The following WWOX variants were observed in gnomAD, a reference collection of about 807,000 sequenced individuals.
The protein encoded by WWOX is WW domain containing oxidoreductase.
Under a neutral mutation model 46.2 loss-of-function variants are expected in WWOX, and 69 were observed. The observed-to-expected ratio is 1.49, with a 90% CI of 1.23 to 1.82. The LOEUF (loss-of-function observed/expected upper bound fraction) is 1.82. Among genes scored for constraint, WWOX ranks in the 40% most tolerant of loss-of-function variants. WWOX has a pLI of 0.00. For missense variants in WWOX, 919 were observed against 542.6 expected, an observed-to-expected ratio of 1.69 and a Z score of -6.89; for synonymous variants, 359 against 202.6, an observed-to-expected ratio of 1.77 and a Z score of -6.56.
intron 8 of WWOX, among the ~76,000 whole-genome samples, chr16:78,639,947 C>T (rs772363720): frequency 1.2e-4 from 18 of 152,094 alleles, no homozygotes; most frequent in Non-Finnish European, 2.2e-4. Flanking sequence ...GAGTGGGAGG[C>T]AGGTGTTCGC....
At chr16:78,784,110 T>C (rs2050397797) in intron 8 of WWOX, among the ~76,000 whole-genome samples, 1 of 152,214 alleles carries the variant, frequency 6.6e-6, no homozygotes, top group South Asian at 2.1e-4. Context: ...TTATGGTTTT[T>C]TAAATGCATT....
At chr16:78,710,252 A>G (rs1047494552) in intron 8 of WWOX, among the ~76,000 whole-genome samples, 1 of 151,398 alleles carries the variant, frequency 6.6e-6, no homozygotes, top group Non-Finnish European at 1.5e-5. Flanking sequence ...CCTGAATGGC[A>G]TTGAGAGTCA....
chr16:78,674,146 C>G (rs2047532007), intron 8 of WWOX, among the ~76,000 whole-genome samples: 1 of 152,082 alleles, frequency 6.6e-6, no homozygotes, highest in South Asian at 2.1e-4. Flanking sequence ...TCCAACAGCT[C>G]TCTTTCCTTT....
At chr16:78,144,260 T>C (rs2034087721) in intron 4 of WWOX, among the ~76,000 whole-genome samples, 1 of 151,022 alleles carries the variant, frequency 6.6e-6, no homozygotes, top group Non-Finnish European at 1.5e-5. Flanking sequence ...GAAGTTAAGA[T>C]TCATTTATTC....
At chr16:78,361,864 G>A (rs562394502) in intron 5 of WWOX, among the ~76,000 whole-genome samples, 2 of 151,834 alleles carry the variant, frequency 1.3e-5, no homozygotes, top group African/African-American at 4.8e-5. Flanking sequence ...CTCCCACCTC[G>A]GACTCCCAAA....
chr16:79,005,645 A>G (rs1170327442), intron 8 of WWOX, among the ~76,000 whole-genome samples: 5 of 151,950 alleles, frequency 3.3e-5, no homozygotes, highest in African/African-American at 4.8e-5. Flanking sequence ...TTCCTTGTCC[A>G]TGTCTCTCTA....
chr16:78,871,646 C>G (rs1389226485), intron 8 of WWOX, among the ~76,000 whole-genome samples: 1 of 152,242 alleles, frequency 6.6e-6, no homozygotes, highest in Non-Finnish European at 1.5e-5. Context: ...GTTGCTCAGG[C>G]TGGAGTGCAG....
rs531662759 is a variant in WWOX, at chr16:79,103,381, T to C, written c.1057-108227T>C. 2.6e-5 allele frequency among the ~76,000 whole-genome samples: 4 copies of C among 152,288 alleles called. No individual in the cohort carries two copies. In the East Asian group the frequency reaches 7.7e-4, roughly 29 times the overall value. On this transcript the variant is annotated intron_variant, in intron 8 of 8. Coordinates refer to ENST00000566780, the MANE Select transcript of WWOX (RefSeq NM_016373.4). ...GAAATCCTCAGTAAGGAAAAATGCTTAGAGTGTCACAAAGCAAACGCATTA... is the reference window on the plus strand; with the variant it reads ...GAAATCCTCAGTAAGGAAAAATGCTCAGAGTGTCACAAAGCAAACGCATTA...
chr16:78,891,677 G>A (rs1284945202), intron 8 of WWOX: 1 of 152,192 alleles, frequency 6.6e-6, no homozygotes, highest in Non-Finnish European at 1.5e-5. Context: ...TAGCAGCTAA[G>A]CTGTCTGTTT....
intron 5 of WWOX, among the ~76,000 whole-genome samples, chr16:78,374,062 T>C (rs545371115): frequency 4.8e-4 from 73 of 152,356 alleles, no homozygotes; most frequent in African/African-American, 1.7e-3. Flanking sequence ...GTGGGGATTA[T>C]AGGCGTGAGC....
chr16:78,784,279 A>C (rs1412725572), intron 8 of WWOX, among the ~76,000 whole-genome samples: 1 of 152,146 alleles, frequency 6.6e-6, no homozygotes, highest in South Asian at 2.1e-4. Flanking sequence ...GCTCAAGTTC[A>C]CAGGCAGAAA....
rs767594775 is a variant in WWOX at position 78,842,983 on chromosome 16, G to T, written c.1057-368625G>T. On this transcript the variant is annotated intron_variant, in intron 8 of 8. Coordinates refer to ENST00000566780, the MANE Select transcript of WWOX (RefSeq NM_016373.4). ...ACGCACCCACAGGCACGCTTCACAG[G>T]ACTGGCAGGTGGAGAGGATGTTTGT... Among the ~76,000 whole-genome samples, 183 of 150,258 alleles carry T rather than the reference G, an allele frequency of 1.2e-3. 19 individuals carry two copies. Among genetic ancestry groups the T allele is most frequent in the Non-Finnish European group, 2.1e-3 (144 of 67,116 alleles).
At chr16:78,293,604 A>C (rs1328163223) in intron 5 of WWOX, among the ~76,000 whole-genome samples, 1 of 152,066 alleles carries the variant, frequency 6.6e-6, no homozygotes, top group East Asian at 1.9e-4. Flanking sequence ...ATAAAGTGGA[A>C]TCTCCATTTC....
chr16:78,201,649 A>C (rs1040888507), intron 5 of WWOX, among the ~76,000 whole-genome samples: 4 of 151,932 alleles, frequency 2.6e-5, no homozygotes, highest in African/African-American at 9.7e-5. Flanking sequence ...CCAGACCCCC[A>C]GTCCCCTCAC....
intron 8 of WWOX, among the ~76,000 whole-genome samples, chr16:79,085,260 C>T (rs1401797043): frequency 6.6e-6 from 1 of 152,146 alleles, no homozygotes; most frequent in Non-Finnish European, 1.5e-5. Flanking sequence ...TTCCAAACCA[C>T]CTTCTGGAGG....
chr16:78,859,050 G>GTGTA (rs1555551642), intron 8 of WWOX, among the ~76,000 whole-genome samples: 3 of 40,844 alleles, frequency 7.3e-5, no homozygotes, highest in African/African-American at 2.2e-4. Flanking sequence ...ATATATATAT[G>GTGTA]TATATATATA....
chr16:78,424,755 G>C (rs2083035869), intron 6 of WWOX, 115 bp from the exon 7 acceptor site: 1 of 1,179,808 alleles, frequency 8.5e-7, no homozygotes, highest in East Asian at 2.3e-5. Context: ...GAAGGAGCAT[G>C]GATTATCCTT....
intron 8 of WWOX, among the ~76,000 whole-genome samples, chr16:78,956,082 C>T (rs2046160862): frequency 6.6e-6 from 1 of 151,978 alleles, no homozygotes; most frequent in African/African-American, 2.4e-5. Flanking sequence ...TCCCGTATAC[C>T]TCCGGCAGAG....
chr16:78,452,834 C>G (rs967120764), intron 8 of WWOX, among the ~76,000 whole-genome samples: 1 of 144,948 alleles, frequency 6.9e-6, no homozygotes, highest in Non-Finnish European at 1.5e-5. Flanking sequence ...ATTCCGTTTC[C>G]CCTATGGCTG....
Sources: allele counts gnomAD v4.1 joint callset (sites outside exome capture counted in the v4.1 genomes callset), GRCh38; gene constraint gnomAD v4.1.1; transcripts MANE v1.5; gene names NCBI Gene and HGNC (gene_info 2026-07-23, HGNC 2026-07-21).